Variants in PMFBP1 observed in about 807,000 individuals in gnomAD.
PMFBP1 encodes polyamine modulated factor 1 binding protein 1.
In PMFBP1, 131 loss-of-function variants were observed where a neutral mutation model predicts 137.8. That is an observed-to-expected ratio of 0.95 (90% CI 0.82 to 1.10). PMFBP1 has a LOEUF of 1.10. Ranked by LOEUF, PMFBP1 falls within the 50% of genes least tolerant of loss-of-function variation. PMFBP1 has a pLI of 0.00. For missense variants in PMFBP1, 1,199 were observed against 1,175.4 expected (o/e 1.02, Z -0.29); for synonymous variants, 490 against 450.4 (o/e 1.09, Z -1.11).
chr16:72,217,819 CAA>C, the PMFBP1 span, among the ~76,000 whole-genome samples: 1 of 151,946 alleles, frequency 6.6e-6, no homozygotes, highest in Non-Finnish European at 1.5e-5. Context: ...GCCTGGGCAA[CAA>C]GAGTGAAAGT....
At chr16:72,225,180 A>C in the PMFBP1 span, 1 of 152,206 alleles carries the variant, frequency 6.6e-6, no homozygotes, top group Non-Finnish European at 1.5e-5. Context: ...AACACTTCAG[A>C]ATAGTTACTT....
chr16:72,212,330 G>C, the PMFBP1 span, among the ~76,000 whole-genome samples: 10 of 152,116 alleles, frequency 6.6e-5, no homozygotes, highest in Admixed American at 6.6e-5. Flanking sequence ...AGATGTAATA[G>C]AAAATAAGAG....
chr16:72,179,239 C>G (rs936001624), upstream of PMFBP1, among the ~76,000 whole-genome samples: 1 of 152,198 alleles, frequency 6.6e-6, no homozygotes, highest in South Asian at 2.1e-4. Flanking sequence ...ACTGCCAAGT[C>G]TCTTAGGTTC....
chr16:72,122,596 T>C (rs1263178476), intron 19 of PMFBP1, among the ~76,000 whole-genome samples: 1 of 152,254 alleles, frequency 6.6e-6, no homozygotes, highest in Admixed American at 6.5e-5. Flanking sequence ...TCTCAGCCCC[T>C]GCCCTAAATA....
chr16:72,201,882 C>T, the PMFBP1 span, among the ~76,000 whole-genome samples: 2 of 152,220 alleles, frequency 1.3e-5, no homozygotes, highest in Non-Finnish European at 2.9e-5. Context: ...TTCACCAAGA[C>T]CACTTCCTCC....
intron 3 of PMFBP1, among the ~76,000 whole-genome samples, chr16:72,154,809 G>C (rs2042957611): frequency 3.9e-5 from 6 of 152,134 alleles, no homozygotes; most frequent in Admixed American, 3.9e-4. Context: ...CTAGTGACTT[G>C]GAAGGAAATG....
In PMFBP1 at chr16:72,139,417, T is replaced by C; in HGVS notation, c.808-18A>G. The C allele has an allele frequency of 6.4e-7, 1 of 1,563,424 alleles. No individual in the cohort carries two copies. Among genetic ancestry groups the C allele is most frequent in the Non-Finnish European group, 8.8e-7 (1 of 1,134,692 alleles). Reference sequence around the variant, plus strand: ...TCCAGAACCTGCAAATAAGCTTAGATCAGTTATGCTGGATGATCAATGGAA... The same window carrying C: ...TCCAGAACCTGCAAATAAGCTTAGACCAGTTATGCTGGATGATCAATGGAA... On this transcript the variant is annotated intron_variant, in intron 6 of 20. Coordinates refer to ENST00000237353, the MANE Select transcript of PMFBP1 (RefSeq NM_031293.3).
At chr16:72,240,990 T>C in the PMFBP1 span, among the ~76,000 whole-genome samples, 2 of 148,080 alleles carry the variant, frequency 1.4e-5, no homozygotes, top group East Asian at 3.9e-4. Flanking sequence ...GTGGAGGGGG[T>C]TAAGGGGAGG....
chr16:72,207,642 G>A, the PMFBP1 span, among the ~76,000 whole-genome samples: 22 of 151,800 alleles, frequency 1.4e-4, no homozygotes, highest in African/African-American at 4.1e-4. Context: ...ATAGAGCCTG[G>A]CAGGAAAACC....
At chr16:72,150,328 A>C (rs1407261867) in intron 5 of PMFBP1, among the ~76,000 whole-genome samples, 1 of 152,192 alleles carries the variant, frequency 6.6e-6, no homozygotes, top group African/African-American at 2.4e-5. Context: ...CCAACCCCAC[A>C]GGGAACTGTG....
the PMFBP1 span, among the ~76,000 whole-genome samples, chr16:72,215,180 G>C: frequency 6.6e-6 from 1 of 152,252 alleles, no homozygotes; most frequent in Non-Finnish European, 1.5e-5. Context: ...AGAAAACTGA[G>C]AGACTGGAGA....
At chr16:72,194,517 T>A in the PMFBP1 span, among the ~76,000 whole-genome samples, 6 of 152,212 alleles carry the variant, frequency 3.9e-5, no homozygotes, top group Non-Finnish European at 7.3e-5. Context: ...TGTAGTGCTA[T>A]CTGTGTTTCT....
At chr16:72,131,599 G>A (rs1031915030) in intron 10 of PMFBP1, among the ~76,000 whole-genome samples, 4 of 152,146 alleles carry the variant, frequency 2.6e-5, no homozygotes, top group Non-Finnish European at 5.9e-5. Flanking sequence ...GCTCACTGAG[G>A]AACGAGTAAG....
intron 20 of PMFBP1, 41 bp from the exon 21 acceptor site, chr16:72,119,395 G>T (rs1251269189): frequency 6.2e-7 from 1 of 1,614,124 alleles, no homozygotes; most frequent in Non-Finnish European, 8.5e-7. Flanking sequence ...GATTCGAGGA[G>T]AAATTAACGA....
chr16:72,175,671 G>C (rs2043256630), upstream of PMFBP1, among the ~76,000 whole-genome samples: 1 of 152,152 alleles, frequency 6.6e-6, no homozygotes, highest in Non-Finnish European at 1.5e-5. Flanking sequence ...AGCTATCTTT[G>C]TGGGATAATA....
At chr16:72,214,391 G>T in the PMFBP1 span, among the ~76,000 whole-genome samples, 1 of 152,104 alleles carries the variant, frequency 6.6e-6, no homozygotes, top group Non-Finnish European at 1.5e-5. Flanking sequence ...TAGCCAGGAT[G>T]GTCTCGATCC....
the PMFBP1 span, among the ~76,000 whole-genome samples, chr16:72,183,519 C>T: frequency 6.6e-6 from 1 of 152,198 alleles, no homozygotes; most frequent in Non-Finnish European, 1.5e-5. Flanking sequence ...GCATGTCTGT[C>T]TCCAAATTTC....
intron 5 of PMFBP1, among the ~76,000 whole-genome samples, chr16:72,142,831 A>G (rs1015236297): frequency 2.6e-5 from 4 of 152,238 alleles, no homozygotes; most frequent in Non-Finnish European, 4.4e-5. Flanking sequence ...GATTTAAAAG[A>G]AGGTGAAAAG....
At chr16:72,128,336 T>G in intron 14 of PMFBP1, 1 of 1,273,374 alleles carries the variant, frequency 7.9e-7, no homozygotes, top group Non-Finnish European at 1.0e-6. Context: ...GTTTTGGAAG[T>G]GTTCCCTAGC....
Sources: allele counts gnomAD v4.1 joint callset (sites outside exome capture counted in the v4.1 genomes callset), GRCh38; gene constraint gnomAD v4.1.1; transcripts MANE v1.5; gene names NCBI Gene and HGNC (gene_info 2026-07-23, HGNC 2026-07-21).